Variants in EPSTI1 observed in about 807,000 individuals in gnomAD.
The protein encoded by EPSTI1 is epithelial stromal interaction 1.
Under a neutral mutation model 49.9 loss-of-function variants are expected in EPSTI1, and 66 were observed. The ratio of observed to expected loss-of-function variants is 1.32; its 90% CI spans 1.08 to 1.62. The LOEUF is 1.62. Among genes scored for constraint, EPSTI1 ranks in the 40% most tolerant of loss-of-function variants. The probability of loss-of-function intolerance (pLI) is 0.00; values close to 1 mark genes in which losing one functional copy is unlikely to be tolerated. For missense variants in EPSTI1, 394 were observed against 365.5 expected, an observed-to-expected ratio of 1.08 and a Z score of -0.64; for synonymous variants, 137 against 130.7, an observed-to-expected ratio of 1.05 and a Z score of -0.33.
intron 10 of EPSTI1, among the ~76,000 whole-genome samples, chr13:42,892,500 G>A (rs964693440): frequency 1.3e-5 from 2 of 152,248 alleles, no homozygotes; most frequent in Admixed American, 6.5e-5. Flanking sequence ...GTGTGAGAGA[G>A]GGATTGCACC....
At position 42,886,670 on chromosome 13, in the gene EPSTI1, T is replaced by C. The variant is rs751350711; in HGVS notation, c.*1824A>G. 2.0e-5 allele frequency: 3 copies of C among 152,194 alleles called. No individual in the cohort carries two copies. Among genetic ancestry groups the C allele is most frequent in the Non-Finnish European group, 4.4e-5 (3 of 68,026 alleles). 9.4% of individuals were successfully genotyped at this position (152,194 alleles called of 1,614,324 possible). A position where few individuals can be genotyped will look rare whatever the true frequency, so the allele number is the denominator to read the frequency against. ...GGCTCCTTTAGGCAGCAAGTCTTGC[T>C]TCTCTCCTGGTTACCTCTGCCTACA... On this transcript the variant is annotated 3_prime_UTR_variant, in exon 11 of 11. Coordinates refer to ENST00000313624, the MANE Select transcript of EPSTI1 (RefSeq NM_033255.5).
intron 6 of EPSTI1, among the ~76,000 whole-genome samples, chr13:42,949,795 A>T (rs181571034): frequency 3.9e-5 from 6 of 152,064 alleles, no homozygotes; most frequent in Non-Finnish European, 4.4e-5. Context: ...CCCTAGCTGA[A>T]ATTCAAACCT....
intron 6 of EPSTI1, among the ~76,000 whole-genome samples, chr13:42,927,800 A>T (rs74329383): frequency 0.02 from 3,041 of 152,326 alleles, 32 homozygotes; most frequent in South Asian, 0.066. Flanking sequence ...CAAGGAGACT[A>T]ATGAAGTCAC....
intron 1 of EPSTI1, among the ~76,000 whole-genome samples, chr13:42,976,806 T>C (rs1216947797): frequency 6.6e-6 from 1 of 152,192 alleles, no homozygotes; most frequent in Non-Finnish European, 1.5e-5. Flanking sequence ...TCACATATAA[T>C]CCCACCTCTC....
intron 6 of EPSTI1, among the ~76,000 whole-genome samples, chr13:42,949,849 C>T (rs1031898865): frequency 1.8e-4 from 28 of 152,058 alleles, no homozygotes; most frequent in African/African-American, 6.5e-4. Context: ...AAGATGACTA[C>T]ACCCCGCCCC....
In EPSTI1 at chr13:42,958,294, A is replaced by AT. The variant is rs750629704; in HGVS notation, c.490-4274dup. Reference sequence around the variant, plus strand: ...TTCAGGTGATTGTCCACAGACTGACATTTGGGAACCAAATATGGTAGAGGA... The same window carrying AT: ...TTCAGGTGATTGTCCACAGACTGACATTTTGGGAACCAAATATGGTAGAGGA... On this transcript the variant is annotated intron_variant, in intron 5 of 10. Transcript: ENST00000313624. Among the ~76,000 whole-genome samples, 6 of 152,188 alleles carry AT rather than the reference A, an allele frequency of 3.9e-5. No individual in the cohort carries two copies. The South Asian group carries it at 6.2e-4, about 16-fold the overall frequency.
chr13:42,904,792 G>A lies in EPSTI1; in HGVS notation c.742-4409C>T, dbSNP rs549181064. Among the ~76,000 whole-genome samples the A allele has an allele frequency of 1.7e-3, 254 of 152,104 alleles. 1 individual carries two copies. The highest frequency in any genetic ancestry group is 5.6e-3 in the African/African-American group (234 of 41,498). ...AGGTTCAGAGCCGTTTTCTTAGGAC[G>A]CTTCTATATAAATAGAAAATATATA... On this transcript the variant is annotated intron_variant, in intron 8 of 10. Coordinates refer to ENST00000313624, the MANE Select transcript of EPSTI1 (RefSeq NM_033255.5).
At chr13:42,925,425 G>C (rs2038141117) in intron 7 of EPSTI1, among the ~76,000 whole-genome samples, 1 of 152,062 alleles carries the variant, frequency 6.6e-6, no homozygotes, top group African/African-American at 2.4e-5. Flanking sequence ...ATTTCTACAT[G>C]TCTCATTGGT....
intron 8 of EPSTI1, among the ~76,000 whole-genome samples, chr13:42,915,503 A>G (rs1038033393): frequency 6.6e-6 from 1 of 152,174 alleles, no homozygotes; most frequent in Non-Finnish European, 1.5e-5. Context: ...CTGCACTCCA[A>G]TATGGGTGAC....
At chr13:42,933,087 G>T (rs970037017) in intron 6 of EPSTI1, among the ~76,000 whole-genome samples, 22 of 152,130 alleles carry the variant, frequency 1.4e-4, no homozygotes, top group Admixed American at 7.2e-4. Context: ...ATCCTGAATT[G>T]GATCCTGAAA....
intron 9 of EPSTI1, among the ~76,000 whole-genome samples, chr13:42,898,573 CAAAAG>C (rs1231417309): frequency 6.6e-6 from 1 of 151,828 alleles, no homozygotes; most frequent in Admixed American, 6.6e-5. Flanking sequence ...TAAGTAGAAT[CAAAAG>C]AAAGAAAAAA....
intron 5 of EPSTI1, among the ~76,000 whole-genome samples, chr13:42,962,816 A>G (rs543476828): frequency 2.0e-3 from 299 of 152,266 alleles, no homozygotes; most frequent in Non-Finnish European, 3.3e-3. Flanking sequence ...AACCACAAAC[A>G]TTTATGAATA....
chr13:42,948,594 A>C (rs4520742), intron 6 of EPSTI1, among the ~76,000 whole-genome samples: 5,775 of 151,680 alleles, frequency 0.038, 314 homozygotes, highest in African/African-American at 0.11. Flanking sequence ...CTCCCACCTC[A>C]GCTTCCCAAG....
chr13:42,910,460 G>A (rs1250340452), intron 8 of EPSTI1, among the ~76,000 whole-genome samples: 2 of 151,736 alleles, frequency 1.3e-5, no homozygotes, highest in African/African-American at 2.4e-5. Flanking sequence ...CACCATGTTG[G>A]CCAGGCTGGT....
At chr13:42,903,045 C>A (rs1240022094) in intron 8 of EPSTI1, among the ~76,000 whole-genome samples, 3 of 152,186 alleles carry the variant, frequency 2.0e-5, no homozygotes, top group Non-Finnish European at 2.9e-5. Flanking sequence ...TGATTATTTT[C>A]ACTTTCATTA....
At chr13:42,977,154 C>T (rs1033984306) in intron 1 of EPSTI1, among the ~76,000 whole-genome samples, 1 of 152,212 alleles carries the variant, frequency 6.6e-6, no homozygotes, top group Non-Finnish European at 1.5e-5. Flanking sequence ...ATACTCTGAA[C>T]AGGAATGTGG....
At chr13:42,987,646 C>T (rs2153436897) in intron 1 of EPSTI1, among the ~76,000 whole-genome samples, 1 of 152,220 alleles carries the variant, frequency 6.6e-6, no homozygotes, top group Non-Finnish European at 1.5e-5. Flanking sequence ...GACGATTCTT[C>T]TTCCCATGTG....
intron 10 of EPSTI1, among the ~76,000 whole-genome samples, chr13:42,893,300 AGAGT>A (rs1337526633): frequency 6.6e-6 from 1 of 152,114 alleles, no homozygotes; most frequent in Non-Finnish European, 1.5e-5. Context: ...TAGAGAGGAG[AGAGT>A]ATTATTAGAA....
At chr13:42,978,361 C>T (rs546888912) in intron 1 of EPSTI1, among the ~76,000 whole-genome samples, 6 of 152,120 alleles carry the variant, frequency 3.9e-5, no homozygotes, top group African/African-American at 9.6e-5. Flanking sequence ...GGTGGGACAA[C>T]GCATAGCGGG....
Sources: allele counts gnomAD v4.1 joint callset (sites outside exome capture counted in the v4.1 genomes callset), GRCh38; gene constraint gnomAD v4.1.1; transcripts MANE v1.5; gene names NCBI Gene and HGNC (gene_info 2026-07-23, HGNC 2026-07-21).